ITK: variants seen among roughly 807,000 people sequenced by gnomAD.
ITK encodes tyrosine-protein kinase ITK/TSK.
A neutral mutation model predicts 87.6 loss-of-function variants in ITK; 45 were observed. The observed-to-expected ratio is 0.51, with a 90% CI of 0.40 to 0.66. The LOEUF (loss-of-function observed/expected upper bound fraction) is 0.66, where lower values mean the gene tolerates loss of function less well. ITK is among the 30% of genes least tolerant of loss of function. The pLI, the probability that ITK is intolerant of heterozygous loss-of-function variation, is 0.00. For missense variants in ITK, 605 were observed against 766.3 expected, an observed-to-expected ratio of 0.79 and a Z score of 2.48; for synonymous variants, 303 against 273.6, an observed-to-expected ratio of 1.11 and a Z score of -1.06.
At chr5:157,216,059 T>G (rs1206054105) in intron 4 of ITK, among the ~76,000 whole-genome samples, 1 of 152,220 alleles carries the variant, frequency 6.6e-6, no homozygotes, top group Middle Eastern at 3.2e-3. Flanking sequence ...ACTGTGCTAA[T>G]GGTTTTGCTT....
intron 1 of ITK, among the ~76,000 whole-genome samples, chr5:157,191,018 A>G (rs575146772): frequency 1.3e-5 from 2 of 152,338 alleles, no homozygotes; most frequent in Admixed American, 1.3e-4. Flanking sequence ...ACAATGGCCA[A>G]GAATAGAAGC....
At chr5:157,219,398 C>G (rs924757366) in intron 5 of ITK, among the ~76,000 whole-genome samples, 4 of 152,186 alleles carry the variant, frequency 2.6e-5, no homozygotes, top group Non-Finnish European at 5.9e-5. Context: ...CAGGCGTGAG[C>G]CACTGTGCCT....
In ITK at chr5:157,214,176, G is replaced by T; in HGVS notation, c.326-15G>T. 6.2e-7 allele frequency: 1 copy of T among 1,609,752 alleles called. No individual in the cohort carries two copies. The highest frequency in any genetic ancestry group is 1.1e-5 in the South Asian group (1 of 90,992). On this transcript the variant is annotated splice_polypyrimidine_tract_variant and intron_variant, in intron 3 of 16. Transcript: ENST00000422843. ...ACCTGGAAATAACTCTTCTGTTGGT[G>T]CCAACCTGTTTCAGAAACGAGGAAT...
At chr5:157,181,718 TGATAGAC>T (rs1753525021) in intron 1 of ITK, among the ~76,000 whole-genome samples, 1 of 152,214 alleles carries the variant, frequency 6.6e-6, no homozygotes, top group African/African-American at 2.4e-5. Flanking sequence ...CTTCATCTCT[TGATAGAC>T]TTCTTAGGAC....
At chr5:157,188,649 G>T (rs1428628376) in intron 1 of ITK, among the ~76,000 whole-genome samples, 5 of 152,052 alleles carry the variant, frequency 3.3e-5, no homozygotes, top group African/African-American at 1.2e-4. Context: ...CTGAAACATG[G>T]TCTTGCTCTG....
At chr5:157,228,667 C>T (rs1236987607) in intron 7 of ITK, among the ~76,000 whole-genome samples, 1 of 151,992 alleles carries the variant, frequency 6.6e-6, no homozygotes, top group Non-Finnish European at 1.5e-5. Flanking sequence ...GACAGGGTCT[C>T]ACTGTCACCC....
intron 1 of ITK, among the ~76,000 whole-genome samples, chr5:157,191,616 C>G (rs189328915): frequency 6.6e-6 from 1 of 152,256 alleles, no homozygotes; most frequent in East Asian, 1.9e-4. Context: ...TTATATTCTA[C>G]TTTTCTATCT....
At chr5:157,244,549 C>A in intron 13 of ITK, 71 bp downstream of exon 13, 1 of 867,136 alleles carries the variant, frequency 1.2e-6, no homozygotes, top group Non-Finnish European at 2.0e-6. Context: ...TGACTGGGAA[C>A]GCATTAATAA....
intron 4 of ITK, among the ~76,000 whole-genome samples, chr5:157,215,127 G>A (rs1035425469): frequency 6.6e-6 from 1 of 152,150 alleles, no homozygotes; most frequent in African/African-American, 2.4e-5. Context: ...GTGATGTTAA[G>A]GGAATGGGCT....
rs370373227 is a variant in ITK, at chr5:157,183,003, C to A, written c.138+1888C>A. Among the ~76,000 whole-genome samples the A allele has an allele frequency of 2.0e-5, 3 of 151,980 alleles. No individual in the cohort carries two copies. In the East Asian group the frequency reaches 5.8e-4, roughly 29 times the overall value. On this transcript the variant is annotated intron_variant, in intron 1 of 16. Coordinates refer to ENST00000422843, the MANE Select transcript of ITK (RefSeq NM_005546.4). Reference sequence around the variant, plus strand: ...AGACAATTACTTCATTCTGGGGAGCCCTAGGCTACAGTTTCTAATTCTTCC... The same window carrying A: ...AGACAATTACTTCATTCTGGGGAGCACTAGGCTACAGTTTCTAATTCTTCC...
intron 1 of ITK, among the ~76,000 whole-genome samples, chr5:157,200,997 T>C (rs1462859089): frequency 1.3e-5 from 2 of 152,346 alleles, no homozygotes; most frequent in Non-Finnish European, 1.5e-5. Flanking sequence ...ACAATTTTTT[T>C]AATATACTAC....
At chr5:157,202,049 T>C (rs1301379954) in intron 1 of ITK, among the ~76,000 whole-genome samples, 1 of 152,160 alleles carries the variant, frequency 6.6e-6, no homozygotes, top group Non-Finnish European at 1.5e-5. Flanking sequence ...GTGCTCACTT[T>C]TTAGCCCCCA....
intron 1 of ITK, among the ~76,000 whole-genome samples, chr5:157,201,318 T>TA (rs1753969124): frequency 6.6e-6 from 1 of 150,590 alleles, no homozygotes; most frequent in Non-Finnish European, 1.5e-5. Context: ...TTTTTTTTTT[T>TA]ATGGAGTCTT....
chr5:157,250,167 T>A (rs1476970463), intron 16 of ITK, among the ~76,000 whole-genome samples: 1 of 152,218 alleles, frequency 6.6e-6, no homozygotes, highest in African/African-American at 2.4e-5. Context: ...CATTATAGTA[T>A]CAGACAGAAT....
intron 4 of ITK, 46 bp from the exon 5 acceptor site, chr5:157,217,821 T>A: frequency 1.3e-6 from 2 of 1,574,894 alleles, no homozygotes; most frequent in Non-Finnish European, 1.7e-6. Context: ...GTTGGGTCCA[T>A]TAGTTTTCAT....
intron 5 of ITK, among the ~76,000 whole-genome samples, chr5:157,219,001 T>C (rs796327502): frequency 6.6e-5 from 10 of 152,012 alleles, no homozygotes; most frequent in African/African-American, 2.4e-4. Context: ...TAGGGCAGCT[T>C]ATTTTGTTAA....
chr5:157,181,220 A>G (rs1580869428), intron 1 of ITK, 105 bp downstream of exon 1: 1 of 1,170,294 alleles, frequency 8.5e-7, no homozygotes, highest in Non-Finnish European at 1.3e-6. Context: ...AGGAAACACA[A>G]ACATGCTTAT....
At chr5:157,197,663 T>A (rs1016816917) in intron 1 of ITK, among the ~76,000 whole-genome samples, 2 of 152,212 alleles carry the variant, frequency 1.3e-5, no homozygotes, top group Non-Finnish European at 2.9e-5. Flanking sequence ...ATCTGCTCTT[T>A]AACACTTGGT....
At chr5:157,219,802 C>T (rs1754377203) in intron 5 of ITK, among the ~76,000 whole-genome samples, 1 of 152,246 alleles carries the variant, frequency 6.6e-6, no homozygotes, top group Non-Finnish European at 1.5e-5. Flanking sequence ...AAACCCACAC[C>T]TCCCATCTTA....
Sources: allele counts gnomAD v4.1 joint callset (sites outside exome capture counted in the v4.1 genomes callset), GRCh38; gene constraint gnomAD v4.1.1; transcripts MANE v1.5; gene names NCBI Gene and HGNC (gene_info 2026-07-23, HGNC 2026-07-21).